The following TSPAN2 variants were observed in gnomAD, a reference collection of about 807,000 sequenced individuals.
TSPAN2 encodes the protein tetraspanin-2.
A neutral mutation model predicts 33.3 loss-of-function variants in TSPAN2; 24 were observed. The ratio of observed to expected loss-of-function variants is 0.72; its 90% CI spans 0.52 to 1.01. The LOEUF is 1.01. Among genes scored for constraint, TSPAN2 ranks in the 50% least tolerant of loss-of-function variants. The probability of loss-of-function intolerance (pLI) is 0.00; values close to 1 mark genes in which losing one functional copy is unlikely to be tolerated. For synonymous variants in TSPAN2, 114 were observed against 104.5 expected (o/e 1.09, Z -0.56); for missense variants, 278 against 281.3 (o/e 0.99, Z 0.08).
At chr1:115,054,281 T>C (rs1298059528) in intron 6 of TSPAN2, among the ~76,000 whole-genome samples, 1 of 152,250 alleles carries the variant, frequency 6.6e-6, no homozygotes, top group Non-Finnish European at 1.5e-5. Context: ...ATCTGAGCTA[T>C]ATAAAACCCT....
At position 115,089,364 on chromosome 1, in the gene TSPAN2, C is replaced by T. The variant is rs1311534736; in HGVS notation, c.69G>A (p.Trp23Ter). The stretch of plus-strand genomic sequence containing the variant: ...CGGCCCTCCCGGCTCCTGGTCTCAC[C>T]CAGAAGAGCAGGTTGAAGCCAAGCA... ...YLLLGFNLLF[W>*]LAGSAVIAFG... Residue 23 changes from tryptophan to a stop codon, truncating the protein, a stop_gained and splice_region_variant, in exon 1 of 8, where the codon TGG (tryptophan) becomes TGA (stop). Transcript: ENST00000369516. LOFTEE classifies it high-confidence loss of function. The T allele has an allele frequency of 6.3e-7, 1 of 1,585,954 alleles. No individual in the cohort carries two copies. Among genetic ancestry groups the T allele is most frequent in the Non-Finnish European group, 8.6e-7 (1 of 1,167,504 alleles).
chr1:115,074,365 C>T (rs901051001), intron 1 of TSPAN2, among the ~76,000 whole-genome samples: 1 of 152,112 alleles, frequency 6.6e-6, no homozygotes, highest in East Asian at 1.9e-4. Context: ...AAGGCCAATC[C>T]CCTTTGTGGC....
chr1:115,075,783 C>T (rs543791015), intron 1 of TSPAN2, among the ~76,000 whole-genome samples: 3 of 152,312 alleles, frequency 2.0e-5, no homozygotes, highest in Admixed American at 6.5e-5. Context: ...TCCCTTTAGT[C>T]TCAACCCCTC....
At chr1:115,087,488 T>C (rs1301425595) in intron 1 of TSPAN2, among the ~76,000 whole-genome samples, 1 of 151,128 alleles carries the variant, frequency 6.6e-6, no homozygotes, top group Non-Finnish European at 1.5e-5. Flanking sequence ...TGGCGGAGGG[T>C]GCTTGTAGTC....
At chr1:115,071,713 A>G (rs982563058) in intron 2 of TSPAN2, among the ~76,000 whole-genome samples, 2 of 152,194 alleles carry the variant, frequency 1.3e-5, no homozygotes, top group African/African-American at 4.8e-5. Context: ...TGAAATGTGG[A>G]ATGTCCTTAT....
intron 1 of TSPAN2, among the ~76,000 whole-genome samples, chr1:115,078,040 C>G (rs761877874): frequency 6.6e-6 from 1 of 152,202 alleles, no homozygotes; most frequent in Non-Finnish European, 1.5e-5. Flanking sequence ...TGCACTGATA[C>G]CTAAGTGGGA....
At chr1:115,064,804 T>C (rs56131433) in intron 2 of TSPAN2, among the ~76,000 whole-genome samples, 35,584 of 152,068 alleles carry the variant, frequency 0.23, 4,538 homozygotes, top group Middle Eastern at 0.27. Flanking sequence ...GATGGTTGCT[T>C]CGCACCCCGA....
intron 2 of TSPAN2, among the ~76,000 whole-genome samples, chr1:115,071,022 A>G (rs530177630): frequency 4.6e-5 from 7 of 152,266 alleles, no homozygotes; most frequent in African/African-American, 1.7e-4. Flanking sequence ...CTTCCTGGAA[A>G]CCATGTGGGT....
At chr1:115,059,942 A>G (rs10858062) in intron 4 of TSPAN2, among the ~76,000 whole-genome samples, 52,359 of 152,004 alleles carry the variant, frequency 0.34, 9,501 homozygotes, top group South Asian at 0.52. Context: ...AGTGTGTTTT[A>G]CAGAGGAAGA....
chr1:115,062,207 C>T lies in TSPAN2; in HGVS notation c.198G>A (p.Gly66=), dbSNP rs755776251. 2 of 1,595,730 alleles carry T rather than the reference C, an allele frequency of 1.3e-6. No homozygotes were observed. Among genetic ancestry groups the T allele is most frequent in the Non-Finnish European group, 1.7e-6 (2 of 1,170,966 alleles). Reference sequence around the variant, plus strand: ...AGAACCCCACGGCCATCATCAGGGCCCCGGCTCCAACCAGAACATACAGCC... The same window carrying T: ...AGAACCCCACGGCCATCATCAGGGCTCCGGCTCCAACCAGAACATACAGCC... The part of the protein sequence containing the change: ...YVGLYVLVGA[G]ALMMAVGFFG... Residue 66 remains glycine (G), a synonymous_variant, in exon 3 of 8, where the codon GGG becomes GGA. Transcript: ENST00000369516.
intron 2 of TSPAN2, among the ~76,000 whole-genome samples, chr1:115,067,310 G>A (rs1647988923): frequency 6.6e-6 from 1 of 152,242 alleles, no homozygotes; most frequent in Non-Finnish European, 1.5e-5. Flanking sequence ...TACTTGAGAT[G>A]TCTAGAATTG....
At chr1:115,055,522 G>A (rs1647373196) in intron 6 of TSPAN2, among the ~76,000 whole-genome samples, 1 of 151,446 alleles carries the variant, frequency 6.6e-6, no homozygotes, top group Non-Finnish European at 1.5e-5. Flanking sequence ...TCATGATTAT[G>A]ATGATTATTT....
chr1:115,079,086 T>C (rs996049379), intron 1 of TSPAN2, among the ~76,000 whole-genome samples: 3 of 152,060 alleles, frequency 2.0e-5, no homozygotes, highest in Non-Finnish European at 4.4e-5. Context: ...CTACACAATG[T>C]ATACATGCCT....
At chr1:115,088,541 C>G (rs995044039) in intron 1 of TSPAN2, among the ~76,000 whole-genome samples, 8 of 152,140 alleles carry the variant, frequency 5.3e-5, no homozygotes, top group Admixed American at 2.6e-4. Context: ...CTAGCTGTAT[C>G]CCTGTCTCGA....
In TSPAN2 at chr1:115,057,615, A is replaced by G. The variant is rs369196477; in HGVS notation, c.445-7T>C. 6.2e-7 allele frequency: 1 copy of G among 1,613,974 alleles called. No homozygotes were observed. The highest frequency in any genetic ancestry group is 8.5e-7 in the Non-Finnish European group (1 of 1,179,902). ...CTTTTCCACAGCACTGAAACTAGAGAGTCAGAAAAGAGACTTCAGGACCAG... is the reference window on the plus strand; with the variant it reads ...CTTTTCCACAGCACTGAAACTAGAGGGTCAGAAAAGAGACTTCAGGACCAG... On this transcript the variant is annotated splice_region_variant and splice_polypyrimidine_tract_variant and intron_variant, in intron 5 of 7. Coordinates refer to ENST00000369516, the MANE Select transcript of TSPAN2 (RefSeq NM_005725.6).
chr1:115,050,148 G>A lies in TSPAN2; in HGVS notation c.*342C>T. 1 of 267,920 alleles carries A rather than the reference G, an allele frequency of 3.7e-6. No individual in the cohort carries two copies. 16.6% of individuals were successfully genotyped at this position (267,920 alleles called of 1,614,324 possible). On this transcript the variant is annotated 3_prime_UTR_variant, in exon 8 of 8. Transcript: ENST00000369516. ...TTTTCTAAATAGCCAAGTTCTCAAA[G>A]TTTCTGAAAGCTCTTTGATCTTTTT...
intron 1 of TSPAN2, among the ~76,000 whole-genome samples, chr1:115,088,037 A>T (rs1054421072): frequency 6.6e-6 from 1 of 152,244 alleles, no homozygotes; most frequent in Admixed American, 6.5e-5. Context: ...CCTAAAAAAT[A>T]CAACATAAAG....
intron 1 of TSPAN2, among the ~76,000 whole-genome samples, chr1:115,082,844 A>G (rs1470161047): frequency 6.6e-6 from 1 of 152,222 alleles, no homozygotes; most frequent in East Asian, 1.9e-4. Flanking sequence ...TAAAACAATG[A>G]AAAAAGCATG....
At chr1:115,076,356 C>T (rs1648412940) in intron 1 of TSPAN2, among the ~76,000 whole-genome samples, 1 of 152,064 alleles carries the variant, frequency 6.6e-6, no homozygotes, top group South Asian at 2.1e-4. Flanking sequence ...TTGCTACCAT[C>T]TTGGAAAGCC....
Sources: gnomAD v4.1 joint callset for allele counts (sites outside exome capture counted in the v4.1 genomes callset) on GRCh38, gnomAD v4.1.1 for gene constraint, MANE v1.5 for transcripts, NCBI Gene and HGNC (gene_info 2026-07-23, HGNC 2026-07-21) for gene names.